The following FASTKD3 variants were observed in gnomAD, a reference collection of about 807,000 sequenced individuals.
FASTKD3 encodes the protein FAST kinase domain-containing protein 3, mitochondrial.
Under a neutral mutation model 49.7 loss-of-function variants are expected in FASTKD3, and 47 were observed. That is an observed-to-expected ratio of 0.95 (90% CI 0.75 to 1.21). FASTKD3 has a LOEUF of 1.21. FASTKD3 is among the 50% of genes most tolerant of loss of function. The pLI is 0.00. For missense variants in FASTKD3, 748 were observed against 765.7 expected (o/e 0.98, Z 0.27); for synonymous variants, 284 against 288.6 (o/e 0.98, Z 0.16).
At chr5:7,865,499 G>A (rs1270496122) in intron 3 of FASTKD3, among the ~76,000 whole-genome samples, 2 of 152,134 alleles carry the variant, frequency 1.3e-5, no homozygotes, top group Non-Finnish European at 2.9e-5. Flanking sequence ...GAAATTTCTG[G>A]CTTGGCTTAA....
rs1747171026 is a variant in FASTKD3, at chr5:7,868,125, A to G, written c.-42T>C. 1 of 1,367,988 alleles carries G rather than the reference A, an allele frequency of 7.3e-7. No individual in the cohort carries two copies. Among genetic ancestry groups the G allele is most frequent in the African/African-American group, 1.5e-5 (1 of 68,794 alleles). 84.7% of individuals were successfully genotyped at this position (1,367,988 alleles called of 1,614,324 possible). Reference sequence around the variant, plus strand: ...TTTGATAACTAAATTAAAAAATTTAAAAACACATGGTTAAATACATTGAGA... The same window carrying G: ...TTTGATAACTAAATTAAAAAATTTAGAAACACATGGTTAAATACATTGAGA... On this transcript the variant is annotated 5_prime_UTR_variant, in exon 2 of 7. Coordinates refer to ENST00000264669, the MANE Select transcript of FASTKD3 (RefSeq NM_024091.4).
Position 7,862,887 on chromosome 5 carries a change from A to T in FASTKD3, c.1635T>A (p.Thr545=). The change falls in exon 4 of 7, where the codon ACT becomes ACA. Residue 545 remains threonine, a synonymous_variant. Coordinates refer to ENST00000264669, the MANE Select transcript of FASTKD3 (RefSeq NM_024091.4). ...QLYRYVKIGL[T]NLLGARLYFA... Reference sequence around the variant, plus strand: ...AATATAATCTTGCTCCTAAAAGGTTAGTCAGCCCAATCTTCACATATCTAT... The same window carrying T: ...AATATAATCTTGCTCCTAAAAGGTTTGTCAGCCCAATCTTCACATATCTAT... 1 of 1,614,106 alleles carries T rather than the reference A, an allele frequency of 6.2e-7. No individual in the cohort carries two copies. Among genetic ancestry groups the T allele is most frequent in the Non-Finnish European group, 8.5e-7 (1 of 1,179,958 alleles).
At chr5:7,864,764 GC>G (rs1225205481) in intron 3 of FASTKD3, among the ~76,000 whole-genome samples, 1 of 151,194 alleles carries the variant, frequency 6.6e-6, no homozygotes, top group Non-Finnish European at 1.5e-5. Flanking sequence ...AGGAGACATG[GC>G]CACCTTCATT....
Position 7,868,096 on chromosome 5 carries a change from T to C in FASTKD3, c.-13A>G. Reference sequence around the variant, plus strand: ...TGATTAATGCCATACCATCAGATTCTCAATTTGATAACTAAATTAAAAAAT... The same window carrying C: ...TGATTAATGCCATACCATCAGATTCCCAATTTGATAACTAAATTAAAAAAT... On this transcript the variant is annotated 5_prime_UTR_variant, in exon 2 of 7. Coordinates refer to ENST00000264669, the MANE Select transcript of FASTKD3 (RefSeq NM_024091.4). The C allele has an allele frequency of 6.5e-7, 1 of 1,537,306 alleles. No individual in the cohort carries two copies. The highest frequency in any genetic ancestry group is 1.4e-5 in the African/African-American group (1 of 71,570).
chr5:7,866,559 C>T (rs574981120), intron 2 of FASTKD3, 87 bp downstream of exon 2: 1 of 986,168 alleles, frequency 1.0e-6, no homozygotes, highest in South Asian at 1.6e-5. Context: ...AAACTAAAGG[C>T]AACATATTGC....
chr5:7,867,980 T>G lies in FASTKD3; in HGVS notation c.104A>C (p.Lys35Thr). Residue 35 changes from lysine to threonine, a missense_variant, in exon 2 of 7, where the codon AAG becomes ACG. Around this residue, in one of 3 missense-constraint regions of FASTKD3, gnomAD observed 564 missense variants for 562.8 expected, o/e 1.00. Transcript: ENST00000264669. ...AGGGCACAGACGCTCCTTGACTACCTTGTGAACATGATTTAGAGGTTTATT... is the reference window on the plus strand; with the variant it reads ...AGGGCACAGACGCTCCTTGACTACCGTGTGAACATGATTTAGAGGTTTATT... Reference protein sequence around the residue: ...LKNKPLNHVHKVVKERLCPWL... With the variant: ...LKNKPLNHVHTVVKERLCPWL... 2 of 1,614,166 alleles carry G rather than the reference T, an allele frequency of 1.2e-6. No individual in the cohort carries two copies. The highest frequency in any genetic ancestry group is 1.7e-6 in the Non-Finnish European group (2 of 1,180,010).
chr5:7,866,704 GCATT>G lies in FASTKD3; in HGVS notation c.1376_1379del (p.Glu459AlafsTer29), dbSNP rs1746977361. The G allele has an allele frequency of 6.2e-7, 1 of 1,610,154 alleles. No homozygotes were observed. The highest frequency in any genetic ancestry group is 8.5e-7 in the Non-Finnish European group (1 of 1,178,422). On this transcript the variant is annotated frameshift_variant, in exon 2 of 7. Transcript: ENST00000264669. LOFTEE classifies it high-confidence loss of function. ...TTTTTGCCAGAAAGTTGACTGGATGGCATTCATTAAGTGAACATGAATGAAGAAG... is the reference window on the plus strand; with the variant it reads ...TTTTTGCCAGAAAGTTGACTGGATGGCATTAAGTGAACATGAATGAAGAAG...
intron 4 of FASTKD3, chr5:7,862,022 A>T (rs558048381): frequency 6.2e-6 from 1 of 160,480 alleles, no homozygotes; most frequent in Admixed American, 6.4e-5. Context: ...TGTGCAACTC[A>T]TAACTTCCAT....
In FASTKD3 at chr5:7,866,627, G is replaced by T; in HGVS notation, c.1438+19C>A. Reference sequence around the variant, plus strand: ...AAAGGTTACTTTTTTCCAACTGTCAGAATTTATAACCAACTCACCTTGCAG... The same window carrying T: ...AAAGGTTACTTTTTTCCAACTGTCATAATTTATAACCAACTCACCTTGCAG... On this transcript the variant is annotated intron_variant, in intron 2 of 6. Transcript: ENST00000264669. The T allele has an allele frequency of 6.5e-7, 1 of 1,538,688 alleles. No individual in the cohort carries two copies. Among genetic ancestry groups the T allele is most frequent in the South Asian group, 1.3e-5 (1 of 78,304 alleles).
chr5:7,863,513 G>T (rs1746701183), intron 3 of FASTKD3, among the ~76,000 whole-genome samples: 3 of 152,086 alleles, frequency 2.0e-5, no homozygotes, highest in Non-Finnish European at 2.9e-5. Flanking sequence ...TTTGAATTAG[G>T]GATGCTGAAC....
intron 6 of FASTKD3, among the ~76,000 whole-genome samples, chr5:7,860,601 G>A (rs1746468061): frequency 6.6e-6 from 1 of 152,174 alleles, no homozygotes; most frequent in Non-Finnish European, 1.5e-5. Context: ...AATTAACAAC[G>A]TTGGGATTTA....
rs1746361313 is a variant in FASTKD3 at position 7,859,208 on chromosome 5, A to G, written c.*227T>C. On this transcript the variant is annotated 3_prime_UTR_variant, in exon 7 of 7. Coordinates refer to ENST00000264669, the MANE Select transcript of FASTKD3 (RefSeq NM_024091.4). ...TGAATTCCTTTACAGCACATGATCAATTGTTTGATGTACAAAAAGTATCTA... is the reference window on the plus strand; with the variant it reads ...TGAATTCCTTTACAGCACATGATCAGTTGTTTGATGTACAAAAAGTATCTA... 1 of 308,426 alleles carries G rather than the reference A, an allele frequency of 3.2e-6. No individual in the cohort carries two copies. The highest frequency in any genetic ancestry group is 5.9e-6 in the Non-Finnish European group (1 of 170,394). 19.1% of individuals were successfully genotyped at this position (308,426 alleles called of 1,614,324 possible).
intron 4 of FASTKD3, 176 bp from the exon 5 acceptor site, chr5:7,861,828 T>C (rs1746570212): frequency 7.7e-7 from 1 of 1,299,284 alleles, no homozygotes; most frequent in African/African-American, 1.5e-5. Context: ...TCAATTGGCT[T>C]TATGATCAAT....
intron 4 of FASTKD3, among the ~76,000 whole-genome samples, chr5:7,862,232 TAGA>T (rs1258948797): frequency 2.0e-5 from 3 of 152,156 alleles, no homozygotes. Context: ...CTCATCAAGT[TAGA>T]AGAACTGTAA....
intron 6 of FASTKD3, among the ~76,000 whole-genome samples, chr5:7,860,328 C>T (rs904133636): frequency 6.6e-6 from 1 of 152,170 alleles, no homozygotes; most frequent in Non-Finnish European, 1.5e-5. Context: ...CACATAAGAC[C>T]TTCTTACATT....
At position 7,868,195 on chromosome 5, in the gene FASTKD3, A is replaced by G. The variant is rs1747180113; in HGVS notation, c.-112T>C. 3.3e-6 allele frequency: 1 copy of G among 303,782 alleles called. No individual in the cohort carries two copies. The allele number at this position is 303,782 out of a possible 1,614,324, so 18.8% of individuals were successfully genotyped here. A position where few individuals can be genotyped will look rare whatever the true frequency, so the allele number is the denominator to read the frequency against. On this transcript the variant is annotated splice_region_variant and 5_prime_UTR_variant, in exon 2 of 7. Transcript: ENST00000264669. ...AATGTTTATGAAACTACAAACGAGTATCTGGAAAAAAAAAAAAAAAAAAAA... is the reference window on the plus strand; with the variant it reads ...AATGTTTATGAAACTACAAACGAGTGTCTGGAAAAAAAAAAAAAAAAAAAA...
intron 6 of FASTKD3, among the ~76,000 whole-genome samples, chr5:7,860,279 A>T (rs1746442100): frequency 6.6e-6 from 1 of 152,226 alleles, no homozygotes; most frequent in Non-Finnish European, 1.5e-5. Context: ...CAGCTTAGAG[A>T]ATTAGGGCAG....
At chr5:7,862,145 G>C (rs1034564953) in intron 4 of FASTKD3, 5 of 152,668 alleles carry the variant, frequency 3.3e-5, no homozygotes, top group African/African-American at 9.7e-5. Context: ...GTAAACTGCA[G>C]TTCCCTTCGT....
Position 7,862,783 on chromosome 5 carries a change from T to C in FASTKD3, c.1699+40A>G, listed in dbSNP as rs1411844840. ...CATATATCTCCAAAATCGAACAGGA[T>C]GCTTAGGTTTAAAACAACAAAACTC... On this transcript the variant is annotated intron_variant, in intron 4 of 6. Transcript: ENST00000264669. 2.0e-6 allele frequency: 3 copies of C among 1,537,302 alleles called. No individual in the cohort carries two copies. In the African/African-American group the frequency reaches 4.1e-5, roughly 21 times the overall value.
Sources: gnomAD v4.1 joint callset for allele counts (sites outside exome capture counted in the v4.1 genomes callset) on GRCh38, gnomAD v4.1.1 for gene constraint, gnomAD v4.1.1 regional missense constraint, MANE v1.5 for transcripts, NCBI Gene and HGNC (gene_info 2026-07-23, HGNC 2026-07-21) for gene names.